The following METTL14 variants were observed in gnomAD, a reference collection of about 807,000 sequenced individuals.
The protein encoded by METTL14 is N(6)-adenosine-methyltransferase non-catalytic subunit METTL14.
In METTL14, 32 loss-of-function variants were observed where a neutral mutation model predicts 62.4. The observed-to-expected ratio is 0.51, with a 90% CI of 0.39 to 0.69. The LOEUF (loss-of-function observed/expected upper bound fraction) is 0.69, where lower values mean the gene tolerates loss of function less well. METTL14 is among the 30% of genes least tolerant of loss of function. METTL14 has a pLI of 0.00. For synonymous variants in METTL14, 150 were observed against 180.0 expected, an observed-to-expected ratio of 0.83 and a Z score of 1.34; for missense variants, 340 against 551.9, an observed-to-expected ratio of 0.62 and a Z score of 3.85.
chr4:118,707,754 A>G (rs1293821000), intron 10 of METTL14, among the ~76,000 whole-genome samples: 1 of 151,804 alleles, frequency 6.6e-6, no homozygotes, highest in Non-Finnish European at 1.5e-5. Flanking sequence ...TATTTCACAT[A>G]TACCTTAGGA....
chr4:118,687,230 A>G (rs762889844), intron 1 of METTL14, among the ~76,000 whole-genome samples: 1 of 152,176 alleles, frequency 6.6e-6, no homozygotes, highest in South Asian at 2.1e-4. Flanking sequence ...GAATATTTGC[A>G]TATTACTTAC....
chr4:118,694,554 A>G (rs1377196163), intron 6 of METTL14, 28 bp downstream of exon 6: 2 of 1,523,776 alleles, frequency 1.3e-6, no homozygotes, highest in Non-Finnish European at 1.8e-6. Context: ...ATTACTGTTT[A>G]TTCCCAACTC....
At chr4:118,700,725 G>C (rs1724562674) in intron 8 of METTL14, 83 bp downstream of exon 8, 2 of 890,248 alleles carry the variant, frequency 2.2e-6, no homozygotes, top group Admixed American at 2.5e-5. Context: ...GTTTGAAAGT[G>C]GATGTTATTT....
chr4:118,693,786 C>T (rs1379989577), intron 5 of METTL14, among the ~76,000 whole-genome samples: 1 of 152,136 alleles, frequency 6.6e-6, no homozygotes, highest in Non-Finnish European at 1.5e-5. Flanking sequence ...ACTCTGCTGT[C>T]TTGAAATTTG....
intron 6 of METTL14, among the ~76,000 whole-genome samples, chr4:118,695,591 A>G (rs1278220439): frequency 6.6e-6 from 1 of 152,166 alleles, no homozygotes; most frequent in Non-Finnish European, 1.5e-5. Context: ...CTTCTTGTCA[A>G]GTAATTTGTT....
At chr4:118,700,255 C>A (rs1724548632) in intron 7 of METTL14, among the ~76,000 whole-genome samples, 1 of 152,078 alleles carries the variant, frequency 6.6e-6, no homozygotes, top group African/African-American at 2.4e-5. Context: ...TCTCAAGCTC[C>A]ATCTTAAAAG....
rs937301823 is a variant in METTL14 at position 118,714,436 on chromosome 4, C to T, written c.*4134C>T. ...TCACTTGTCAGCTCCAGCTAATTGT[C>T]ACCACAGAGAGAAGAGGGTAAGTCT... On this transcript the variant is annotated 3_prime_UTR_variant, in exon 11 of 11. Transcript: ENST00000388822. 6.6e-6 allele frequency: 1 copy of T among 152,180 alleles called. No homozygotes were observed. Among genetic ancestry groups the T allele is most frequent in the African/African-American group, 2.4e-5 (1 of 41,442 alleles). The allele number at this position is 152,180 out of a possible 1,614,324, so 9.4% of individuals were successfully genotyped here.
At chr4:118,690,984 A>G (rs1304739664) in intron 3 of METTL14, among the ~76,000 whole-genome samples, 2 of 152,204 alleles carry the variant, frequency 1.3e-5, no homozygotes, top group African/African-American at 4.8e-5. Flanking sequence ...ATTGTATATA[A>G]TAGAGATAAG....
At chr4:118,707,384 C>T (rs945976506) in intron 10 of METTL14, among the ~76,000 whole-genome samples, 6 of 152,006 alleles carry the variant, frequency 3.9e-5, no homozygotes, top group African/African-American at 1.5e-4. Flanking sequence ...TAATTTATGG[C>T]CAGGCACTGT....
rs1172672187 is a variant in METTL14 at position 118,702,020 on chromosome 4, A to G, written c.738+1378A>G. Among the ~76,000 whole-genome samples the G allele has an allele frequency of 2.6e-5, 4 of 152,092 alleles. No homozygotes were observed. The East Asian group carries it at 7.7e-4, about 29-fold the overall frequency. On this transcript the variant is annotated intron_variant, in intron 8 of 10. Coordinates refer to ENST00000388822, the MANE Select transcript of METTL14 (RefSeq NM_020961.4). ...AAGAGCGAAACATACATGTTTTTAT[A>G]GGTATATTGGTGTTTACTTTGTTTT... is the stretch of plus-strand genomic sequence containing the variant.
intron 3 of METTL14, among the ~76,000 whole-genome samples, chr4:118,689,924 C>CTATATATATATA (rs1724193198): frequency 6.6e-6 from 1 of 151,688 alleles, no homozygotes; most frequent in African/African-American, 2.4e-5. Context: ...AGGTGTGAGC[C>CTATATATATATA]ACCGTGCCCT....
chr4:118,694,978 C>T lies in METTL14; in HGVS notation c.503+452C>T, dbSNP rs566186739. On this transcript the variant is annotated intron_variant, in intron 6 of 10. Transcript: ENST00000388822. Reference sequence around the variant, plus strand: ...CACCATGCCTGGCTAATTTTTGGCACACACCACCATGCCTGGCTAATTTTT... The same window carrying T: ...CACCATGCCTGGCTAATTTTTGGCATACACCACCATGCCTGGCTAATTTTT... Among the ~76,000 whole-genome samples, 48 of 151,818 alleles carry T rather than the reference C, an allele frequency of 3.2e-4. 2 individuals carry two copies. The South Asian group carries it at 9.8e-3, about 31-fold the overall frequency.
chr4:118,705,807 G>A lies in METTL14; in HGVS notation c.1052G>A (p.Ser351Asn). ...RRRLHLFGRD[S>N]TIRPGWLTVG... Reference sequence around the variant, plus strand: ...CGCCTTCATCTATTTGGAAGAGATAGTACAATTCGACCAGGTAGGACCTCA... The same window carrying A: ...CGCCTTCATCTATTTGGAAGAGATAATACAATTCGACCAGGTAGGACCTCA... The change falls in exon 10 of 11, where the codon AGT becomes AAT. Residue 351 changes from serine (S) to asparagine (N), a missense_variant. Ser to Asn is a conservative substitution (Grantham distance 46). This residue lies in a region of METTL14 where 62 missense variants were observed against 82.3 expected (regional missense o/e 0.75). Coordinates refer to ENST00000388822, the MANE Select transcript of METTL14 (RefSeq NM_020961.4). 1.2e-6 allele frequency: 2 copies of A among 1,613,442 alleles called. No individual in the cohort carries two copies. The highest frequency in any genetic ancestry group is 1.7e-6 in the Non-Finnish European group (2 of 1,179,692).
chr4:118,696,162 A>G (rs1397639101), intron 6 of METTL14, among the ~76,000 whole-genome samples: 2 of 147,264 alleles, frequency 1.4e-5, no homozygotes, highest in African/African-American at 2.5e-5. Context: ...TCTGTAAGTC[A>G]TTAGAAGCAC....
intron 5 of METTL14, among the ~76,000 whole-genome samples, chr4:118,693,948 A>G (rs768062043): frequency 1.4e-4 from 21 of 152,096 alleles, no homozygotes; most frequent in Non-Finnish European, 2.9e-4. Context: ...CATATAATTT[A>G]TGTTGTTATA....
intron 8 of METTL14, among the ~76,000 whole-genome samples, chr4:118,702,165 G>A (rs1448721018): frequency 7.2e-6 from 1 of 138,906 alleles, no homozygotes; most frequent in African/African-American, 2.7e-5. Flanking sequence ...TGTCGCCCAC[G>A]CTGGAGTGCA....
intron 1 of METTL14, 54 bp downstream of exon 1, chr4:118,685,654 C>T (rs1315691272): frequency 6.7e-7 from 1 of 1,492,964 alleles, no homozygotes; most frequent in Non-Finnish European, 9.2e-7. Context: ...AGTGCGCGGC[C>T]GCCTCCTCCC....
chr4:118,687,896 C>G (rs1302506321), intron 1 of METTL14, 27 bp from the exon 2 acceptor site: 3 of 1,603,662 alleles, frequency 1.9e-6, no homozygotes, highest in African/African-American at 2.7e-5. Context: ...GCATTGCAAT[C>G]TAATTTCTGA....
chr4:118,689,437 G>T lies in METTL14; in HGVS notation c.223G>T (p.Asp75Tyr). Residue 75 changes from aspartate to tyrosine, a missense_variant, in exon 3 of 11, where the codon GAC (aspartate) becomes TAC (tyrosine). Transcript: ENST00000388822. ...KYLDEGETDE[D>Y]KMEEYKDELE... The stretch of plus-strand genomic sequence containing the variant: ...TCTGGATGAAGGAGAGACAGATGAA[G>T]ACAAAATGGAAGAATATAAGGCAAG... 6.3e-7 allele frequency: 1 copy of T among 1,597,638 alleles called. No individual in the cohort carries two copies. Among genetic ancestry groups the T allele is most frequent in the South Asian group, 1.1e-5 (1 of 89,482 alleles).
Sources: gnomAD v4.1 joint callset for allele counts (sites outside exome capture counted in the v4.1 genomes callset) on GRCh38, gnomAD v4.1.1 for gene constraint, gnomAD v4.1.1 regional missense constraint, MANE v1.5 for transcripts, NCBI Gene and HGNC (gene_info 2026-07-23, HGNC 2026-07-21) for gene names.